The following KCNH7 variants were observed in gnomAD, a reference collection of about 807,000 sequenced individuals.
KCNH7 encodes voltage-gated inwardly rectifying potassium channel KCNH7.
In KCNH7, 49 loss-of-function variants were observed where a neutral mutation model predicts 120.8. The ratio of observed to expected loss-of-function variants is 0.41; its 90% CI spans 0.32 to 0.51. The LOEUF is 0.51. Among genes scored for constraint, KCNH7 ranks in the 20% least tolerant of loss-of-function variants. The pLI, the probability that KCNH7 is intolerant of heterozygous loss-of-function variation, is 0.38. For missense variants in KCNH7, 1,097 were observed against 1,446.6 expected (o/e 0.76, Z 3.92); for synonymous variants, 547 against 516.1 (o/e 1.06, Z -0.81).
intron 3 of KCNH7, among the ~76,000 whole-genome samples, chr2:162,521,455 T>A (rs1691518643): frequency 6.6e-6 from 1 of 151,892 alleles, no homozygotes; most frequent in Admixed American, 6.6e-5. Flanking sequence ...TACCACGTCC[T>A]CTCTACTTGA....
chr2:162,698,647 C>A (rs1300596176), intron 2 of KCNH7, among the ~76,000 whole-genome samples: 1 of 151,984 alleles, frequency 6.6e-6, no homozygotes, highest in African/African-American at 2.4e-5. Flanking sequence ...TAATTCATTT[C>A]TAGGTTCTAC....
At chr2:162,550,024 A>G (rs1417634301) in intron 2 of KCNH7, among the ~76,000 whole-genome samples, 1 of 152,206 alleles carries the variant, frequency 6.6e-6, no homozygotes, top group Non-Finnish European at 1.5e-5. Context: ...AGTATATGGA[A>G]GGCTTCCCAG....
At position 162,500,409 on chromosome 2, in the gene KCNH7, A is replaced by C. The variant is rs115435522; in HGVS notation, c.1128+4034T>G. ...TAATACATGTCAATACATGCTTTTGAATGAATAAACAAATACATGAATGAC... is the reference window on the plus strand; with the variant it reads ...TAATACATGTCAATACATGCTTTTGCATGAATAAACAAATACATGAATGAC... On this transcript the variant is annotated intron_variant, in intron 6 of 15. Transcript: ENST00000332142. Among the ~76,000 whole-genome samples the C allele has an allele frequency of 2.0e-3, 300 of 149,416 alleles. 1 individual carries two copies. The highest frequency in any genetic ancestry group is 7.0e-3 in the African/African-American group (286 of 40,996).
intron 6 of KCNH7, among the ~76,000 whole-genome samples, chr2:162,488,098 T>G (rs2105702935): frequency 6.6e-6 from 1 of 152,326 alleles, no homozygotes; most frequent in East Asian, 1.9e-4. Flanking sequence ...TGGGTCTGAC[T>G]TTTATCTCAA....
At chr2:162,629,730 G>C (rs1231055544) in intron 2 of KCNH7, among the ~76,000 whole-genome samples, 2 of 151,984 alleles carry the variant, frequency 1.3e-5, no homozygotes, top group African/African-American at 4.8e-5. Context: ...AATTGGCCAT[G>C]GTATGAGTAT....
At chr2:162,638,466 G>T (rs1475057448) in intron 2 of KCNH7, among the ~76,000 whole-genome samples, 1 of 152,032 alleles carries the variant, frequency 6.6e-6, no homozygotes, top group Non-Finnish European at 1.5e-5. Flanking sequence ...AAGCAGAAGA[G>T]AAAATTTCTA....
chr2:162,809,097 A>G (rs948897362), intron 2 of KCNH7, among the ~76,000 whole-genome samples: 1 of 152,190 alleles, frequency 6.6e-6, no homozygotes, highest in South Asian at 2.1e-4. Context: ...AGATTCTTCA[A>G]CTGAGAGTTG....
At chr2:162,512,822 C>A in intron 4 of KCNH7, 148 bp from the exon 5 acceptor site, 1 of 601,114 alleles carries the variant, frequency 1.7e-6, no homozygotes, top group Non-Finnish European at 2.9e-6. Context: ...ACATTTTGTA[C>A]TATTCCACCA....
At chr2:162,805,131 A>G (rs1356492595) in intron 2 of KCNH7, among the ~76,000 whole-genome samples, 4 of 151,844 alleles carry the variant, frequency 2.6e-5, no homozygotes, top group Non-Finnish European at 5.9e-5. Flanking sequence ...CTAAAAAATT[A>G]TAGAGGACAA....
chr2:162,791,802 G>A (rs1435756247), intron 2 of KCNH7, among the ~76,000 whole-genome samples: 4 of 151,976 alleles, frequency 2.6e-5, no homozygotes, highest in African/African-American at 7.2e-5. Context: ...CCCTAGCCAG[G>A]ACTTCCAATG....
At chr2:162,581,461 G>C (rs986313711) in intron 2 of KCNH7, among the ~76,000 whole-genome samples, 1 of 151,972 alleles carries the variant, frequency 6.6e-6, no homozygotes, top group Non-Finnish European at 1.5e-5. Flanking sequence ...TATTATATCC[G>C]TTACCAAGGT....
chr2:162,388,391 T>A (rs1686643226), intron 12 of KCNH7, among the ~76,000 whole-genome samples: 1 of 151,542 alleles, frequency 6.6e-6, no homozygotes, highest in Admixed American at 6.6e-5. Flanking sequence ...GAGTTAACTA[T>A]GTGAGTGATG....
At chr2:162,743,497 A>G (rs536858656) in intron 2 of KCNH7, among the ~76,000 whole-genome samples, 13 of 152,218 alleles carry the variant, frequency 8.5e-5, no homozygotes, top group Admixed American at 7.9e-4. Context: ...AAAAAATTAC[A>G]GAGCACAAAC....
At chr2:162,832,842 T>A (rs1057326402) in intron 2 of KCNH7, among the ~76,000 whole-genome samples, 1 of 152,294 alleles carries the variant, frequency 6.6e-6, no homozygotes, top group Admixed American at 6.5e-5. Flanking sequence ...AGACCTCTTC[T>A]GAGTTTACTT....
chr2:162,814,615 A>G (rs917178820), intron 2 of KCNH7, among the ~76,000 whole-genome samples: 8 of 152,188 alleles, frequency 5.3e-5, no homozygotes, highest in African/African-American at 1.7e-4. Flanking sequence ...TACAGAGACT[A>G]TTAGGGTGTC....
At chr2:162,656,077 G>A (rs1559067116) in intron 2 of KCNH7, among the ~76,000 whole-genome samples, 1 of 152,126 alleles carries the variant, frequency 6.6e-6, no homozygotes, top group Non-Finnish European at 1.5e-5. Context: ...AGATTCCATT[G>A]TACTGTATAT....
At chr2:162,562,219 A>G (rs971972599) in intron 2 of KCNH7, among the ~76,000 whole-genome samples, 6 of 152,238 alleles carry the variant, frequency 3.9e-5, no homozygotes, top group Non-Finnish European at 8.8e-5. Context: ...TTTTAAAAAA[A>G]GTAAACTTTC....
chr2:162,790,346 C>T (rs1212996320), intron 2 of KCNH7, among the ~76,000 whole-genome samples: 1 of 151,830 alleles, frequency 6.6e-6, no homozygotes, highest in Non-Finnish European at 1.5e-5. Flanking sequence ...GCAGTAATCA[C>T]AAATCTCTCA....
chr2:162,641,071 A>G (rs774165322), intron 2 of KCNH7, among the ~76,000 whole-genome samples: 12 of 152,176 alleles, frequency 7.9e-5, no homozygotes, highest in Non-Finnish European at 1.2e-4. Context: ...ATTCAGACAT[A>G]GCTGATGGGA....
Sources: gnomAD v4.1 joint callset for allele counts (sites outside exome capture counted in the v4.1 genomes callset) on GRCh38, gnomAD v4.1.1 for gene constraint, MANE v1.5 for transcripts, NCBI Gene and HGNC (gene_info 2026-07-23, HGNC 2026-07-21) for gene names.